SCFD2: variants seen among roughly 807,000 people sequenced by gnomAD.
SCFD2 encodes the protein sec1 family domain-containing protein 2.
Under a neutral mutation model 58.9 loss-of-function variants are expected in SCFD2, and 54 were observed. The observed-to-expected ratio is 0.92, with a 90% CI of 0.74 to 1.15. The LOEUF is 1.15. Ranked by LOEUF, SCFD2 falls within the 50% of genes most tolerant of loss-of-function variation. SCFD2 has a pLI of 0.00. For synonymous variants in SCFD2, 321 were observed against 335.9 expected (o/e 0.96, Z 0.49); for missense variants, 805 against 836.6 (o/e 0.96, Z 0.47).
chr4:53,220,296 C>T (rs1004896246), intron 4 of SCFD2, among the ~76,000 whole-genome samples: 10 of 152,174 alleles, frequency 6.6e-5, no homozygotes, highest in Non-Finnish European at 1.0e-4. Flanking sequence ...AGTTTATAAG[C>T]TCATTATCAT....
intron 2 of SCFD2, among the ~76,000 whole-genome samples, chr4:53,329,463 A>T (rs1432414514): frequency 6.6e-6 from 1 of 151,146 alleles, no homozygotes. Flanking sequence ...CCTAACTGGG[A>T]GGCACCCCCC....
At chr4:53,010,687 T>C (rs866472542) in intron 5 of SCFD2, among the ~76,000 whole-genome samples, 1 of 152,210 alleles carries the variant, frequency 6.6e-6, no homozygotes, top group Non-Finnish European at 1.5e-5. Context: ...AAGAAACATT[T>C]TGGAAGAGAA....
At chr4:53,052,274 C>G (rs2148832908) in intron 5 of SCFD2, among the ~76,000 whole-genome samples, 1 of 152,292 alleles carries the variant, frequency 6.6e-6, no homozygotes, top group East Asian at 1.9e-4. Flanking sequence ...ACCTTATGGC[C>G]TCTGCACATG....
intron 4 of SCFD2, among the ~76,000 whole-genome samples, chr4:53,224,747 T>G (rs1292575825): frequency 2.0e-5 from 3 of 151,652 alleles, no homozygotes; most frequent in African/African-American, 7.3e-5. Flanking sequence ...TAATTTGCTA[T>G]GCAGCAATAG....
intron 1 of SCFD2, among the ~76,000 whole-genome samples, chr4:53,360,071 A>C (rs1734508895): frequency 6.6e-6 from 1 of 152,206 alleles, no homozygotes; most frequent in African/African-American, 2.4e-5. Flanking sequence ...TGTGGTCTTA[A>C]TAAGTAGAGG....
chr4:52,942,265 T>A (rs1166501480), intron 5 of SCFD2, among the ~76,000 whole-genome samples: 2 of 152,182 alleles, frequency 1.3e-5, no homozygotes, highest in East Asian at 3.9e-4. Context: ...CTTTTTAGTT[T>A]TTAGCCAAGG....
At position 53,052,535 on chromosome 4, in the gene SCFD2, C is replaced by T. The variant is rs1405562911; in HGVS notation, c.1561+92798G>A. ...AGACTGTGCATTATCAACTGGAATA[C>T]TCTTGAATTGATCTTCCCTTGAGAT... On this transcript the variant is annotated intron_variant, in intron 5 of 8. Coordinates refer to ENST00000401642, the MANE Select transcript of SCFD2 (RefSeq NM_152540.4). 3.3e-5 allele frequency among the ~76,000 whole-genome samples: 5 copies of T among 152,126 alleles called. No individual in the cohort carries two copies. In the South Asian group the frequency reaches 1.0e-3, roughly 31 times the overall value.
chr4:52,986,577 C>A (rs888850504), intron 5 of SCFD2, among the ~76,000 whole-genome samples: 1 of 141,566 alleles, frequency 7.1e-6, no homozygotes, highest in African/African-American at 2.6e-5. Flanking sequence ...TGGCTCACTG[C>A]AAGCTCCGCC....
chr4:53,149,893 C>G (rs918680729), intron 4 of SCFD2, among the ~76,000 whole-genome samples: 2 of 152,086 alleles, frequency 1.3e-5, no homozygotes, highest in African/African-American at 4.8e-5. Flanking sequence ...AGGAAAGACC[C>G]AAAATCTATC....
At chr4:53,075,606 T>A (rs569327182) in intron 5 of SCFD2, among the ~76,000 whole-genome samples, 1 of 152,290 alleles carries the variant, frequency 6.6e-6, no homozygotes, top group South Asian at 2.1e-4. Context: ...TGTAAGGCTG[T>A]TAATTAGGTT....
intron 3 of SCFD2, among the ~76,000 whole-genome samples, chr4:53,286,802 C>T (rs1360405457): frequency 6.6e-6 from 1 of 152,140 alleles, no homozygotes; most frequent in East Asian, 1.9e-4. Context: ...TCTCCCTGCA[C>T]CCTGAAACAA....
intron 5 of SCFD2, among the ~76,000 whole-genome samples, chr4:53,084,417 CT>C (rs1724241561): frequency 6.6e-6 from 1 of 152,056 alleles, no homozygotes; most frequent in Admixed American, 6.6e-5. Context: ...TTATTCTGTT[CT>C]TTTTCAGGGT....
At chr4:53,072,532 A>G (rs1392342591) in intron 5 of SCFD2, among the ~76,000 whole-genome samples, 4 of 151,978 alleles carry the variant, frequency 2.6e-5, no homozygotes, top group Admixed American at 2.6e-4. Context: ...AACAGGCAAC[A>G]TGGCACCAAC....
intron 5 of SCFD2, among the ~76,000 whole-genome samples, chr4:52,991,080 G>C (rs1384875929): frequency 1.3e-4 from 20 of 152,138 alleles, no homozygotes; most frequent in Admixed American, 1.3e-3. Flanking sequence ...GGTACTAGAG[G>C]GTATTCTGCA....
At chr4:52,950,355 G>A (rs1373331037) in intron 5 of SCFD2, 1 of 152,206 alleles carries the variant, frequency 6.6e-6, no homozygotes, top group African/African-American at 2.4e-5. Flanking sequence ...GGAAGGAGAG[G>A]AGAGCTAATG....
At chr4:53,143,405 A>G (rs1469417787) in intron 5 of SCFD2, among the ~76,000 whole-genome samples, 1 of 152,206 alleles carries the variant, frequency 6.6e-6, no homozygotes, top group East Asian at 1.9e-4. Flanking sequence ...AAACTTTCTA[A>G]GTTGATATTT....
At chr4:53,051,325 G>C (rs1272417866) in intron 5 of SCFD2, among the ~76,000 whole-genome samples, 2 of 152,078 alleles carry the variant, frequency 1.3e-5, no homozygotes, top group Non-Finnish European at 2.9e-5. Context: ...AGGTTCTGGG[G>C]GCATGCAACT....
At chr4:52,985,540 T>C (rs1721468945) in intron 5 of SCFD2, among the ~76,000 whole-genome samples, 1 of 151,954 alleles carries the variant, frequency 6.6e-6, no homozygotes, top group African/African-American at 2.4e-5. Context: ...TTGGAGAGGT[T>C]TCTAGCACCA....
chr4:52,986,140 C>G (rs967208970), intron 5 of SCFD2, among the ~76,000 whole-genome samples: 5 of 152,106 alleles, frequency 3.3e-5, no homozygotes, highest in East Asian at 1.9e-4. Flanking sequence ...CCCTCCAGAG[C>G]TGAGCCTCTT....
Sources: allele counts gnomAD v4.1 joint callset (sites outside exome capture counted in the v4.1 genomes callset), GRCh38; gene constraint gnomAD v4.1.1; transcripts MANE v1.5; gene names NCBI Gene and HGNC (gene_info 2026-07-23, HGNC 2026-07-21).